The following SEMA4B variants were observed in gnomAD, a reference collection of about 807,000 sequenced individuals.
SEMA4B encodes the protein semaphorin-4B.
SEMA4B carries 55 observed loss-of-function variants against 88.1 expected under a neutral mutation model. The ratio of observed to expected loss-of-function variants is 0.62; its 90% CI spans 0.50 to 0.78. The LOEUF (loss-of-function observed/expected upper bound fraction) is 0.78. SEMA4B is among the 30% of genes least tolerant of loss of function. SEMA4B has a pLI of 0.00. For synonymous variants in SEMA4B, 525 were observed against 473.6 expected (o/e 1.11, Z -1.41); for missense variants, 1,062 against 1,111.9 (o/e 0.96, Z 0.64).
intron 1 of SEMA4B, among the ~76,000 whole-genome samples, chr15:90,215,623 C>T (rs944209545): frequency 1.3e-5 from 2 of 151,806 alleles, no homozygotes; most frequent in South Asian, 2.1e-4. Context: ...ACCAGCCTGG[C>T]CAACATGGCA....
chr15:90,203,582 C>G (rs903558672), intron 1 of SEMA4B, among the ~76,000 whole-genome samples: 3 of 152,190 alleles, frequency 2.0e-5, no homozygotes, highest in Non-Finnish European at 2.9e-5. Context: ...AGCTAGAATA[C>G]TTGGTTATTA....
Position 90,201,670 on chromosome 15 carries a change from T to G in SEMA4B, c.92T>G (p.Leu31Arg). 6.6e-7 allele frequency: 1 copy of G among 1,515,088 alleles called. No individual in the cohort carries two copies. The highest frequency in any genetic ancestry group is 8.8e-7 in the Non-Finnish European group (1 of 1,138,718). 93.9% of individuals were successfully genotyped at this position (1,515,088 alleles called of 1,614,324 possible). The change falls in exon 1 of 14, where the codon CTG becomes CGG. Residue 31 changes from leucine (L) to arginine (R), a missense_variant. Physicochemically the swap from Leu to Arg is moderately radical, Grantham distance 102 (BLOSUM62 -2). Coordinates refer to ENST00000411539, the MANE Select transcript of SEMA4B (RefSeq NM_198925.4). The part of the protein sequence containing the change: ...PRPPLLLLLL[L>R]LLLLQPPPPT... ...CCACCGCTGCTGCTGCTCCTGCTGC[T>G]GCTGCTCCTGCTGCAGCCGCCGCCT...
At chr15:90,219,755 G>T in intron 3 of SEMA4B, 38 bp from the exon 4 acceptor site, 1 of 1,542,156 alleles carries the variant, frequency 6.5e-7, no homozygotes, top group Non-Finnish European at 8.9e-7. Flanking sequence ...TGGCATGCTT[G>T]GGCGTGGGAC....
Position 90,223,550 on chromosome 15 carries a change from T to C in SEMA4B, c.862-9T>C, listed in dbSNP as rs769710183. The C allele has an allele frequency of 5.1e-6, 8 of 1,567,416 alleles. No individual in the cohort carries two copies. The East Asian group carries it at 1.8e-4, about 35-fold the overall frequency. On this transcript the variant is annotated splice_polypyrimidine_tract_variant and intron_variant, in intron 7 of 13. Transcript: ENST00000411539. Reference sequence around the variant, plus strand: ...TGCCTAAGCCCAGCCCATCCGACTCTCCCTCCAGGGCGATGAGGGTGGAGA... The same window carrying C: ...TGCCTAAGCCCAGCCCATCCGACTCCCCCTCCAGGGCGATGAGGGTGGAGA...
intron 1 of SEMA4B, among the ~76,000 whole-genome samples, chr15:90,207,183 C>G (rs1445750727): frequency 1.3e-5 from 2 of 152,158 alleles, no homozygotes; most frequent in Non-Finnish European, 2.9e-5. Context: ...AGAGTTCTGC[C>G]TCCCAGGCCT....
rs543163499 is a variant in SEMA4B, at chr15:90,212,493, CT to C, written c.158-4943del. ...AGCCCAGGAGAGCGAGCGAGACACTCTTTGACACAAGGGAGAGCATAAAAGC... is the reference window on the plus strand; with the variant it reads ...AGCCCAGGAGAGCGAGCGAGACACTCTTGACACAAGGGAGAGCATAAAAGC... On this transcript the variant is annotated intron_variant, in intron 1 of 13. Coordinates refer to ENST00000411539, the MANE Select transcript of SEMA4B (RefSeq NM_198925.4). The surrounding 1 kb of genome is among the most constrained non-coding windows in gnomAD (Gnocchi z 4.0). 1.4e-4 allele frequency among the ~76,000 whole-genome samples: 22 copies of C among 152,294 alleles called. No individual in the cohort carries two copies. In the East Asian group the frequency reaches 4.1e-3, roughly 28 times the overall value.
At chr15:90,185,631 C>T (rs1960141577) in intron 1 of SEMA4B, among the ~76,000 whole-genome samples, 1 of 152,222 alleles carries the variant, frequency 6.6e-6, no homozygotes, top group Non-Finnish European at 1.5e-5. Context: ...GTCATCAAAT[C>T]TCTGCCCACA....
chr15:90,227,244 C>G (rs914409869), intron 12 of SEMA4B: 1 of 310,680 alleles, frequency 3.2e-6, no homozygotes, highest in South Asian at 4.8e-5. Context: ...GATGGGGTCT[C>G]GCTATGTTGC....
intron 1 of SEMA4B, among the ~76,000 whole-genome samples, chr15:90,185,987 G>A (rs1960154770): frequency 7.9e-6 from 1 of 126,240 alleles, no homozygotes; most frequent in Non-Finnish European, 1.6e-5. Flanking sequence ...AGGCTACAGT[G>A]CAGTAGCGCG....
At chr15:90,196,307 A>C (rs1960504281) in intron 1 of SEMA4B, among the ~76,000 whole-genome samples, 1 of 151,916 alleles carries the variant, frequency 6.6e-6, no homozygotes, top group Non-Finnish European at 1.5e-5. Context: ...ACTTTTGTCT[A>C]ATTGGTTAAG....
intron 1 of SEMA4B, among the ~76,000 whole-genome samples, chr15:90,192,572 TCTTTCC>T (rs1960374723): frequency 6.6e-6 from 1 of 151,400 alleles, no homozygotes; most frequent in African/African-American, 2.4e-5. Flanking sequence ...CCCTTTATTT[TCTTTCC>T]CTTGTAGCTT....
At chr15:90,220,057 A>G (rs1387019719) in intron 4 of SEMA4B, 166 bp downstream of exon 4, 7 of 558,366 alleles carry the variant, frequency 1.3e-5, no homozygotes, top group Non-Finnish European at 2.2e-5. Flanking sequence ...CCCTGGCACA[A>G]AGCGCAGCCC....
Position 90,201,674 on chromosome 15 carries a change from G to T in SEMA4B, c.96G>T (p.Leu32=). The T allele has an allele frequency of 5.9e-6, 9 of 1,515,064 alleles. No individual in the cohort carries two copies. The highest frequency in any genetic ancestry group is 7.9e-6 in the Non-Finnish European group (9 of 1,138,632). The allele number at this position is 1,515,064 out of a possible 1,614,324, so 93.9% of individuals were successfully genotyped here. A position where few individuals can be genotyped will look rare whatever the true frequency, so the allele number is the denominator to read the frequency against. ...RPPLLLLLLL[L]LLLQPPPPTW... ...CGCTGCTGCTGCTCCTGCTGCTGCT[G>T]CTCCTGCTGCAGCCGCCGCCTCCGA... The change falls in exon 1 of 14, where the codon CTG becomes CTT. Residue 32 remains leucine, a synonymous_variant. Coordinates refer to ENST00000411539, the MANE Select transcript of SEMA4B (RefSeq NM_198925.4).
chr15:90,209,238 C>G (rs1050532309), intron 1 of SEMA4B, among the ~76,000 whole-genome samples: 1 of 152,058 alleles, frequency 6.6e-6, no homozygotes, highest in Non-Finnish European at 1.5e-5. Flanking sequence ...CTTGAAGATG[C>G]TGTCAGCTTG....
In SEMA4B at chr15:90,185,691, C is replaced by T. The variant is rs370210189; in HGVS notation, c.-122+610C>T. Among the ~76,000 whole-genome samples, 144 of 152,304 alleles carry T rather than the reference C, an allele frequency of 9.5e-4. 4 individuals carry two copies. In the South Asian group the frequency reaches 0.029, roughly 31 times the overall value. On this transcript the variant is annotated intron_variant, in intron 1 of 14. Coordinates refer to the SEMA4B transcript ENST00000332496. ...GTTATTTGAGTTAAACACAGGATTC[C>T]TCTAAAGGTTGAAATGCCTTAAAAT... is the stretch of plus-strand genomic sequence containing the variant.
Position 90,219,903 on chromosome 15 carries a change from GTCC to G in SEMA4B, c.483+15_483+17del. Reference sequence around the variant, plus strand: ...TGTGTACCTACATCGTGAGTGACCTGTCCTCAGCCCTGAGGCTGACCTGGGAAC... The same window carrying G: ...TGTGTACCTACATCGTGAGTGACCTGTCAGCCCTGAGGCTGACCTGGGAAC... On this transcript the variant is annotated intron_variant, in intron 4 of 13. Transcript: ENST00000411539. 1 of 1,596,550 alleles carries G rather than the reference GTCC, an allele frequency of 6.3e-7. No individual in the cohort carries two copies. The highest frequency in any genetic ancestry group is 1.1e-5 in the South Asian group (1 of 90,726).
chr15:90,221,505 G>A (rs2151620348), intron 6 of SEMA4B, 25 bp downstream of exon 6: 2 of 1,605,020 alleles, frequency 1.2e-6, no homozygotes, highest in Non-Finnish European at 1.7e-6. Context: ...CCACCACCCA[G>A]AGGGCAGGGA....
intron 9 of SEMA4B, among the ~76,000 whole-genome samples, chr15:90,224,498 A>C (rs1962037809): frequency 6.6e-6 from 1 of 152,256 alleles, no homozygotes; most frequent in Admixed American, 6.5e-5. Flanking sequence ...AGGGTGTGTC[A>C]GCACGCTGTT....
intron 1 of SEMA4B, among the ~76,000 whole-genome samples, chr15:90,195,807 G>A (rs973699700): frequency 6.6e-6 from 1 of 151,616 alleles, no homozygotes; most frequent in African/African-American, 2.4e-5. Flanking sequence ...ACGGAGTTTT[G>A]CCGTGTTGCC....
Sources: gnomAD v4.1 joint callset for allele counts (sites outside exome capture counted in the v4.1 genomes callset) on GRCh38, gnomAD v4.1.1 for gene constraint, Gnocchi (gnomAD v3.1) non-coding constraint, MANE v1.5 for transcripts, NCBI Gene and HGNC (gene_info 2026-07-23, HGNC 2026-07-21) for gene names.